The following C1orf105 variants were observed in gnomAD, a reference collection of about 807,000 sequenced individuals.
C1orf105 encodes uncharacterized protein C1orf105.
Under a neutral mutation model 20.8 loss-of-function variants are expected in C1orf105, and 17 were observed. That is an observed-to-expected ratio of 0.82 (90% CI 0.56 to 1.23). The LOEUF (loss-of-function observed/expected upper bound fraction) is 1.23. C1orf105 is among the 50% of genes most tolerant of loss of function. The pLI, the probability that C1orf105 is intolerant of heterozygous loss-of-function variation, is 0.00. For synonymous variants in C1orf105, 72 were observed against 72.1 expected (o/e 1.00, Z 0.01); for missense variants, 219 against 213.5 (o/e 1.03, Z -0.16).
rs79274361 is a variant in C1orf105 at position 172,468,597 on chromosome 1, G to C, written c.*3G>C. ...TAGGCAAGACAACGAGGCAGTGAGC[G>C]GTAGGAGCTCATCACCTCCCAGACT... is the stretch of plus-strand genomic sequence containing the variant. On this transcript the variant is annotated 3_prime_UTR_variant, in exon 7 of 7. Coordinates refer to ENST00000367727, the MANE Select transcript of C1orf105 (RefSeq NM_139240.4). 4.3e-6 allele frequency: 7 copies of C among 1,612,344 alleles called. No homozygotes were observed. The African/African-American group carries it at 9.3e-5, about 22-fold the overall frequency.
At chr1:172,447,597 C>T (rs1648152513) in intron 2 of C1orf105, among the ~76,000 whole-genome samples, 1 of 152,228 alleles carries the variant, frequency 6.6e-6, no homozygotes, top group African/African-American at 2.4e-5. Flanking sequence ...ATGTCAGACC[C>T]ACCATCTCTG....
intron 3 of C1orf105, chr1:172,452,846 C>T: frequency 1.4e-6 from 2 of 1,420,568 alleles, no homozygotes; most frequent in South Asian, 3.1e-5. Context: ...CATTCCAGTG[C>T]CTCTGGCTCT....
chr1:172,442,250 C>G, intron 1 of C1orf105: 1 of 1,613,964 alleles, frequency 6.2e-7, no homozygotes, highest in South Asian at 1.1e-5. Context: ...GTAATGAAGA[C>G]TAGGGCACTC....
At chr1:172,464,857 G>A (rs16844500) in intron 5 of C1orf105, among the ~76,000 whole-genome samples, 8,753 of 152,158 alleles carry the variant, frequency 0.058, 282 homozygotes, top group Middle Eastern at 0.13. Flanking sequence ...CAGGTTAACC[G>A]GTAGTAGATT....
Position 172,420,702 on chromosome 1 carries a change from G to C in C1orf105, c.-184G>C, listed in dbSNP as rs2071564136. ...TATGATTCAAGATGTAAATCACACAGATGTTGGTAGAGAAAAAGGCATACT... is the reference window on the plus strand; with the variant it reads ...TATGATTCAAGATGTAAATCACACACATGTTGGTAGAGAAAAAGGCATACT... On this transcript the variant is annotated 5_prime_UTR_variant, in exon 1 of 7. Coordinates refer to ENST00000367727, the MANE Select transcript of C1orf105 (RefSeq NM_139240.4). 4.9e-6 allele frequency: 3 copies of C among 613,362 alleles called. No homozygotes were observed. The highest frequency in any genetic ancestry group is 8.9e-6 in the Non-Finnish European group (3 of 337,984). The allele number at this position is 613,362 out of a possible 1,614,324, so 38.0% of individuals were successfully genotyped here.
chr1:172,433,980 A>G (rs1049491535), intron 1 of C1orf105, among the ~76,000 whole-genome samples: 2 of 152,220 alleles, frequency 1.3e-5, no homozygotes, highest in African/African-American at 4.8e-5. Flanking sequence ...CAGACTTTAA[A>G]CCAACAAAGA....
At chr1:172,462,937 T>C (rs552656863) in intron 5 of C1orf105, among the ~76,000 whole-genome samples, 20 of 56,278 alleles carry the variant, frequency 3.6e-4, no homozygotes, top group Non-Finnish European at 7.7e-5. Flanking sequence ...CATGCCTGGC[T>C]AATTTTTTTT....
At chr1:172,458,130 G>T (rs1223720562) in intron 4 of C1orf105, among the ~76,000 whole-genome samples, 1 of 152,146 alleles carries the variant, frequency 6.6e-6, no homozygotes, top group Non-Finnish European at 1.5e-5. Flanking sequence ...CTACTTAATG[G>T]TAAAAGACTG....
At chr1:172,450,384 C>T (rs959804383) in intron 3 of C1orf105, among the ~76,000 whole-genome samples, 2 of 152,236 alleles carry the variant, frequency 1.3e-5, no homozygotes, top group African/African-American at 4.8e-5. Flanking sequence ...TCCCGTCACA[C>T]AGACGTCCTC....
intron 4 of C1orf105, 62 bp from the exon 5 acceptor site, chr1:172,462,116 A>T (rs1486517399): frequency 3.3e-6 from 4 of 1,208,798 alleles, no homozygotes; most frequent in Non-Finnish European, 4.9e-6. Context: ...AAAGTGGTAC[A>T]TTATTTATTT....
chr1:172,462,503 G>A (rs1265604079), intron 5 of C1orf105, among the ~76,000 whole-genome samples: 2 of 152,090 alleles, frequency 1.3e-5, no homozygotes, highest in Admixed American at 6.6e-5. Context: ...ATAAGAAACA[G>A]AATAGGAAAT....
intron 1 of C1orf105, among the ~76,000 whole-genome samples, chr1:172,438,104 C>T (rs1031578563): frequency 1.3e-5 from 2 of 151,502 alleles, no homozygotes; most frequent in Non-Finnish European, 2.9e-5. Flanking sequence ...TATTTTAAGC[C>T]GAGTGTTGAG....
At chr1:172,438,470 C>A (rs1028442360) in intron 1 of C1orf105, among the ~76,000 whole-genome samples, 1 of 152,108 alleles carries the variant, frequency 6.6e-6, no homozygotes, top group South Asian at 2.1e-4. Flanking sequence ...AGCAAGAGAA[C>A]TAGAAGTGGT....
chr1:172,442,219 G>A, intron 1 of C1orf105: 1 of 1,614,010 alleles, frequency 6.2e-7, no homozygotes, highest in South Asian at 1.1e-5. Flanking sequence ...CTTCAGCACT[G>A]GTGAAAACCC....
intron 6 of C1orf105, among the ~76,000 whole-genome samples, chr1:172,466,907 T>C (rs1183661840): frequency 6.6e-6 from 1 of 152,146 alleles, no homozygotes; most frequent in Non-Finnish European, 1.5e-5. Flanking sequence ...CTGTTTATTA[T>C]AGCCATGGCC....
At chr1:172,466,206 G>A (rs1244247836) in intron 6 of C1orf105, among the ~76,000 whole-genome samples, 1 of 152,176 alleles carries the variant, frequency 6.6e-6, no homozygotes, top group Non-Finnish European at 1.5e-5. Context: ...GTCTTGAGGG[G>A]ATGCCAAAAG....
rs1210223410 is a variant in C1orf105, at chr1:172,443,907, C to T, written c.22-1166C>T. ...GGGCCTCCCACTTCCGCCGCCGCCC[C>T]TCACTCAGCCTTGGGTCTGCGGGAG... On this transcript the variant is annotated intron_variant, in intron 1 of 6. Transcript: ENST00000367727. 3 of 967,790 alleles carry T rather than the reference C, an allele frequency of 3.1e-6. No homozygotes were observed. In the African/African-American group the frequency reaches 5.3e-5, roughly 17 times the overall value. 60.0% of individuals were successfully genotyped at this position (967,790 alleles called of 1,614,324 possible). A position where few individuals can be genotyped will look rare whatever the true frequency, so the allele number is the denominator to read the frequency against.
chr1:172,462,390 A>G (rs1649762532), intron 5 of C1orf105, 145 bp downstream of exon 5: 1 of 567,606 alleles, frequency 1.8e-6, no homozygotes, highest in African/African-American at 2.0e-5. Flanking sequence ...TTTAGGTTAA[A>G]CCAAATTATT....
chr1:172,467,513 C>T (rs1650149133), intron 6 of C1orf105, among the ~76,000 whole-genome samples: 1 of 152,208 alleles, frequency 6.6e-6, no homozygotes. Flanking sequence ...CAGATGCTAA[C>T]CACCTCATAG....
Sources: allele counts gnomAD v4.1 joint callset (sites outside exome capture counted in the v4.1 genomes callset), GRCh38; gene constraint gnomAD v4.1.1; transcripts MANE v1.5; gene names NCBI Gene and HGNC (gene_info 2026-07-23, HGNC 2026-07-21).